Variants in RBPMS2 observed in about 807,000 individuals in gnomAD.
RBPMS2 encodes the protein RNA binding protein, mRNA processing factor 2, also known as RNA-binding protein with multiple splicing 2.
In RBPMS2, 14 loss-of-function variants were observed where a neutral mutation model predicts 25.7. That is an observed-to-expected ratio of 0.55 (90% CI 0.36 to 0.85). RBPMS2 has a LOEUF of 0.85. Among genes scored for constraint, RBPMS2 ranks in the 40% least tolerant of loss-of-function variants. The probability of loss-of-function intolerance (pLI) is 0.01; values close to 1 mark genes in which losing one functional copy is unlikely to be tolerated. For synonymous variants in RBPMS2, 127 were observed against 115.6 expected, an observed-to-expected ratio of 1.10 and a Z score of -0.63; for missense variants, 252 against 283.4, an observed-to-expected ratio of 0.89 and a Z score of 0.80.
At chr15:64,757,815 C>CG (rs1323443231) in intron 1 of RBPMS2, among the ~76,000 whole-genome samples, 2 of 151,388 alleles carry the variant, frequency 1.3e-5, no homozygotes, top group Non-Finnish European at 3.0e-5. Flanking sequence ...CCCTATCCCC[C>CG]CCCACAAAAA....
chr15:64,744,798 G>GTTGTTTTTTTTTTTTT (rs2083601378), intron 6 of RBPMS2, among the ~76,000 whole-genome samples: 1 of 46,290 alleles, frequency 2.2e-5, no homozygotes, highest in African/African-American at 7.4e-5. Context: ...GGTTTGTTTT[G>GTTGTTTTTTTTTTTTT]TTTTTTTTTT....
At chr15:64,768,488 CTT>C (rs745592738) in intron 1 of RBPMS2, among the ~76,000 whole-genome samples, 1 of 151,944 alleles carries the variant, frequency 6.6e-6, no homozygotes, top group Non-Finnish European at 1.5e-5. Context: ...AAATACAAAA[CTT>C]AGCCAGGTGT....
rs761758622 is a variant in RBPMS2, at chr15:64,762,556, T to C, written c.88-10918A>G. The C allele has an allele frequency of 5.6e-6, 3 of 532,202 alleles. No homozygotes were observed. In the East Asian group the frequency reaches 1.6e-4, roughly 29 times the overall value. 33.0% of individuals were successfully genotyped at this position (532,202 alleles called of 1,614,324 possible). A position where few individuals can be genotyped will look rare whatever the true frequency, so the allele number is the denominator to read the frequency against. ...GAGACCCCACTGAGAACCAGGACACTGCACTCAGGGTCCAGCTCAGAAGAT... is the reference window on the plus strand; with the variant it reads ...GAGACCCCACTGAGAACCAGGACACCGCACTCAGGGTCCAGCTCAGAAGAT... On this transcript the variant is annotated intron_variant, in intron 1 of 7. Transcript: ENST00000300069.
intron 1 of RBPMS2, among the ~76,000 whole-genome samples, chr15:64,752,281 G>A (rs941657272): frequency 6.6e-6 from 1 of 152,162 alleles, no homozygotes; most frequent in East Asian, 1.9e-4. Context: ...CTGTTTTCTA[G>A]ATGATACCCA....
intron 6 of RBPMS2, among the ~76,000 whole-genome samples, chr15:64,741,466 G>A (rs541445488): frequency 6.6e-6 from 1 of 152,316 alleles, no homozygotes; most frequent in Admixed American, 6.5e-5. Flanking sequence ...TCCAGCGAAG[G>A]AAAGTCACGC....
intron 1 of RBPMS2, among the ~76,000 whole-genome samples, chr15:64,754,063 C>A (rs2083708856): frequency 6.6e-6 from 1 of 152,198 alleles, no homozygotes; most frequent in Admixed American, 6.5e-5. Context: ...GTAACCCCAG[C>A]ACTTTGGAAG....
chr15:64,741,030 C>T, intron 7 of RBPMS2, 30 bp from the exon 8 acceptor site: 1 of 606,828 alleles, frequency 1.6e-6, no homozygotes, highest in Non-Finnish European at 2.9e-6. Flanking sequence ...CGGCCGTGAG[C>T]AGAGGCGTGG....
intron 1 of RBPMS2, among the ~76,000 whole-genome samples, chr15:64,770,149 A>G (rs1018466561): frequency 6.6e-6 from 1 of 152,218 alleles, no homozygotes; most frequent in African/African-American, 2.4e-5. Flanking sequence ...ACTGCATTCC[A>G]GCCTGGGTGA....
intron 1 of RBPMS2, among the ~76,000 whole-genome samples, chr15:64,758,122 C>T (rs1595790758): frequency 6.6e-6 from 1 of 152,342 alleles, no homozygotes; most frequent in Middle Eastern, 3.4e-3. Flanking sequence ...AGCACATACA[C>T]AAAACGTTTT....
intron 5 of RBPMS2, 65 bp from the exon 6 acceptor site, chr15:64,748,632 G>A (rs890491648): frequency 6.7e-7 from 1 of 1,500,794 alleles, no homozygotes; most frequent in African/African-American, 1.4e-5. Context: ...CGGAGAAGGG[G>A]ACCCAGCACT....
chr15:64,751,840 A>G (rs922335104), intron 1 of RBPMS2, among the ~76,000 whole-genome samples: 1 of 152,108 alleles, frequency 6.6e-6, no homozygotes, highest in African/African-American at 2.4e-5. Flanking sequence ...CTCTGGGTAC[A>G]TCCCAGAGGC....
intron 1 of RBPMS2, among the ~76,000 whole-genome samples, chr15:64,763,689 G>C (rs2083813975): frequency 6.6e-6 from 1 of 152,220 alleles, no homozygotes; most frequent in Admixed American, 6.5e-5. Context: ...AGTCAGTCCA[G>C]GGATCAAGTG....
At chr15:64,747,178 C>A (rs1029850307) in intron 6 of RBPMS2, among the ~76,000 whole-genome samples, 1 of 152,124 alleles carries the variant, frequency 6.6e-6, no homozygotes, top group Non-Finnish European at 1.5e-5. Flanking sequence ...CTGAACGTTG[C>A]GGAGCCAGGG....
chr15:64,744,371 C>T (rs1481595430), intron 6 of RBPMS2, among the ~76,000 whole-genome samples: 3 of 151,866 alleles, frequency 2.0e-5, no homozygotes, highest in African/African-American at 7.3e-5. Context: ...CCAGCCTGAC[C>T]AACACGGAGA....
At chr15:64,747,474 G>T (rs2083628098) in intron 6 of RBPMS2, among the ~76,000 whole-genome samples, 1 of 152,102 alleles carries the variant, frequency 6.6e-6, no homozygotes, top group Admixed American at 6.6e-5. Flanking sequence ...AGCACACCCT[G>T]GCCGGGCAGC....
rs74022318 is a variant in RBPMS2 at position 64,751,544 on chromosome 15, G to A, written c.165+17C>T. ...GGTCCCAGGCTCTACCCAGGGGGCG[G>A]CTGGGTCCTGACTCACCTTGAACGG... On this transcript the variant is annotated intron_variant, in intron 2 of 7. Transcript: ENST00000300069. The A allele has an allele frequency of 4.1e-3, 6,645 of 1,609,024 alleles. 243 individuals are homozygous for A. The African/African-American group carries it at 0.078, about 19-fold the overall frequency.
At chr15:64,747,501 T>C (rs761627774) in intron 6 of RBPMS2, among the ~76,000 whole-genome samples, 1 of 152,138 alleles carries the variant, frequency 6.6e-6, no homozygotes, top group Non-Finnish European at 1.5e-5. Context: ...TGGGGATTAG[T>C]GCTCATCACC....
intron 6 of RBPMS2, among the ~76,000 whole-genome samples, chr15:64,745,607 C>T (rs983792656): frequency 4.6e-5 from 7 of 152,192 alleles, no homozygotes; most frequent in Admixed American, 3.3e-4. Flanking sequence ...TGCAATAGGA[C>T]GCTGAGAACC....
chr15:64,757,601 A>G (rs913963605), intron 1 of RBPMS2, among the ~76,000 whole-genome samples: 4 of 152,192 alleles, frequency 2.6e-5, no homozygotes, highest in African/African-American at 9.7e-5. Context: ...GAAGCCAAGA[A>G]CAGGGTAACA....
Sources: gnomAD v4.1 joint callset for allele counts (sites outside exome capture counted in the v4.1 genomes callset) on GRCh38, gnomAD v4.1.1 for gene constraint, MANE v1.5 for transcripts, NCBI Gene and HGNC (gene_info 2026-07-23, HGNC 2026-07-21) for gene names.